The following ISM1 variants were observed in gnomAD, a reference collection of about 807,000 sequenced individuals.
The protein encoded by ISM1 is isthmin-1.
Under a neutral mutation model 46.3 loss-of-function variants are expected in ISM1, and 25 were observed. The observed-to-expected ratio is 0.54, with a 90% CI of 0.39 to 0.75. The LOEUF (loss-of-function observed/expected upper bound fraction) is 0.75. ISM1 is among the 30% of genes least tolerant of loss of function. The pLI, the probability that ISM1 is intolerant of heterozygous loss-of-function variation, is 0.00. For missense variants in ISM1, 536 were observed against 625.4 expected (o/e 0.86, Z 1.52); for synonymous variants, 255 against 256.7 (o/e 0.99, Z 0.06).
chr20:13,222,879 C>T (rs1300014414), intron 1 of ISM1, among the ~76,000 whole-genome samples: 1 of 152,122 alleles, frequency 6.6e-6, no homozygotes, highest in Non-Finnish European at 1.5e-5. Flanking sequence ...AAAATCTGCT[C>T]AAACCAGGCG....
At chr20:13,276,151 C>A (rs1169413236) in intron 2 of ISM1, among the ~76,000 whole-genome samples, 1 of 152,202 alleles carries the variant, frequency 6.6e-6, no homozygotes, top group Non-Finnish European at 1.5e-5. Flanking sequence ...TCCTTCAATG[C>A]TCTGTGCTCC....
intron 2 of ISM1, among the ~76,000 whole-genome samples, chr20:13,273,296 G>A (rs183192516): frequency 7.6e-6 from 1 of 131,130 alleles, no homozygotes; most frequent in Admixed American, 8.2e-5. Context: ...GTACAGTTGT[G>A]CAATCATGGC....
intron 4 of ISM1, among the ~76,000 whole-genome samples, chr20:13,289,175 C>T (rs540070001): frequency 3.9e-4 from 59 of 152,212 alleles, no homozygotes; most frequent in African/African-American, 1.4e-3. Flanking sequence ...TTGCAGTGGC[C>T]GTGACCTAAA....
rs150119834 is a variant in ISM1 at position 13,257,961 on chromosome 20, G to A, written c.139-12543G>A. On this transcript the variant is annotated intron_variant, in intron 1 of 5. Transcript: ENST00000262487. The stretch of plus-strand genomic sequence containing the variant: ...CAGTGAAAGGAGCAAGGATTTCATA[G>A]CCTACTTACTATCTAGGGGCCTCTC... Among the ~76,000 whole-genome samples, 66 of 152,236 alleles carry A rather than the reference G, an allele frequency of 4.3e-4. No individual in the cohort carries two copies. The East Asian group carries it at 0.011, about 26-fold the overall frequency.
intron 1 of ISM1, among the ~76,000 whole-genome samples, chr20:13,235,049 C>T (rs2039632457): frequency 6.6e-6 from 1 of 152,152 alleles, no homozygotes; most frequent in Admixed American, 6.6e-5. Context: ...TGTTATCCAG[C>T]TATTGCCTAA....
At position 13,299,408 on chromosome 20, in the gene ISM1, C is replaced by T. The variant is rs1440400429; in HGVS notation, c.1344C>T (p.Ser448=). 2 of 1,611,606 alleles carry T rather than the reference C, an allele frequency of 1.2e-6. No individual in the cohort carries two copies. Among genetic ancestry groups the T allele is most frequent in the Non-Finnish European group, 8.5e-7 (1 of 1,179,794 alleles). The change falls in exon 6 of 6, where the codon AGC becomes AGT. Residue 448 remains serine (S), a synonymous_variant. Transcript: ENST00000262487. The surrounding 1 kb of genome is among the most constrained non-coding windows in gnomAD (Gnocchi z 5.8). Reference sequence around the variant, plus strand: ...ACAACGGACAGAAGTGCACAGAGAGCCCCTCGGACGAGGACTACATCAAGC... The same window carrying T: ...ACAACGGACAGAAGTGCACAGAGAGTCCCTCGGACGAGGACTACATCAAGC... The part of the protein sequence containing the change: ...PPNNGQKCTE[S]PSDEDYIKQF...
At chr20:13,259,463 A>G (rs1417801329) in intron 1 of ISM1, among the ~76,000 whole-genome samples, 10 of 152,194 alleles carry the variant, frequency 6.6e-5, no homozygotes, top group Non-Finnish European at 1.3e-4. Flanking sequence ...TTTTCATAAT[A>G]TTAAAAATGT....
chr20:13,241,604 C>G (rs992822859), intron 1 of ISM1, among the ~76,000 whole-genome samples: 4 of 152,130 alleles, frequency 2.6e-5, no homozygotes, highest in African/African-American at 7.2e-5. Flanking sequence ...GAGTTACCAT[C>G]TCATGACTCC....
At position 13,224,709 on chromosome 20, in the gene ISM1, C is replaced by A. The variant is rs555084458; in HGVS notation, c.138+2795C>A. Among the ~76,000 whole-genome samples, 35 of 152,170 alleles carry A rather than the reference C, an allele frequency of 2.3e-4. No individual in the cohort carries two copies. In the South Asian group the frequency reaches 3.7e-3, roughly 16 times the overall value. On this transcript the variant is annotated intron_variant, in intron 1 of 5. Coordinates refer to ENST00000262487, the MANE Select transcript of ISM1 (RefSeq NM_080826.2). ...GTATTCACTTAAAAAGGGACACATT[C>A]TTATTTAAGGATATATCAAGGACGC...
the ISM1 span, among the ~76,000 whole-genome samples, chr20:13,314,064 A>G: frequency 6.6e-6 from 1 of 152,224 alleles, no homozygotes; most frequent in Non-Finnish European, 1.5e-5. Context: ...ACATCTCAAT[A>G]GAAACCACCA....
intron 1 of ISM1, among the ~76,000 whole-genome samples, chr20:13,266,466 A>G (rs188841313): frequency 1.3e-5 from 2 of 152,298 alleles, no homozygotes; most frequent in East Asian, 3.9e-4. Context: ...TCTCAGTGGT[A>G]GTCACAGCTC....
At chr20:13,296,749 G>T (rs573899385) in intron 5 of ISM1, among the ~76,000 whole-genome samples, 9 of 152,302 alleles carry the variant, frequency 5.9e-5, no homozygotes, top group South Asian at 2.1e-4. Flanking sequence ...GCCAGGCGTG[G>T]TGGCTTACAC....
chr20:13,286,913 G>A (rs751661446), intron 3 of ISM1, among the ~76,000 whole-genome samples: 5 of 152,244 alleles, frequency 3.3e-5, no homozygotes, highest in African/African-American at 4.8e-5. Context: ...CTTGGCAGCA[G>A]CAGAGGGCCC....
At chr20:13,306,346 C>A in the ISM1 span, among the ~76,000 whole-genome samples, 1 of 152,030 alleles carries the variant, frequency 6.6e-6, no homozygotes. Context: ...AGAGAACAGT[C>A]TAAATGAAGT....
chr20:13,284,057 C>T (rs2123294508), intron 3 of ISM1, among the ~76,000 whole-genome samples: 1 of 152,336 alleles, frequency 6.6e-6, no homozygotes, highest in African/African-American at 2.4e-5. Context: ...ACCTTAACCT[C>T]TCTGAGCCTC....
intron 1 of ISM1, among the ~76,000 whole-genome samples, chr20:13,261,011 T>G (rs1014133340): frequency 2.0e-5 from 3 of 152,306 alleles, no homozygotes; most frequent in Admixed American, 1.3e-4. Context: ...AGCTTGGCCT[T>G]CTTCACCGAG....
At position 13,270,718 on chromosome 20, in the gene ISM1, T is replaced by G. The variant is rs372141319; in HGVS notation, c.353T>G (p.Ile118Ser). 1.9e-6 allele frequency: 3 copies of G among 1,613,766 alleles called. No homozygotes were observed. In the African/African-American group the frequency reaches 4.0e-5, roughly 22 times the overall value. The part of the protein sequence containing the change: ...PNFPDLSKAD[I>S]NGQNPNIQVT... ...TTTCCAGATCTTTCCAAAGCTGATA[T>G]CAATGGGCAGAATCCAAATATCCAG... The change falls in exon 2 of 6, where the codon ATC becomes AGC. Residue 118 changes from isoleucine (I) to serine (S), a missense_variant. By Grantham distance (142) the Ile-to-Ser change is moderately radical. Coordinates refer to ENST00000262487, the MANE Select transcript of ISM1 (RefSeq NM_080826.2).
At chr20:13,316,024 A>G in the ISM1 span, among the ~76,000 whole-genome samples, 1 of 152,018 alleles carries the variant, frequency 6.6e-6, no homozygotes, top group Non-Finnish European at 1.5e-5. Context: ...CTGAAAAGGT[A>G]AATAAATTCA....
In ISM1 at chr20:13,231,232, C is replaced by T. The variant is rs1336004783; in HGVS notation, c.138+9318C>T. ...ACAGAGCAGAGTTTCCATGAGGCCC[C>T]TGCTTGTTGTTGTCATTAACAGCGA... On this transcript the variant is annotated intron_variant, in intron 1 of 5. Coordinates refer to ENST00000262487, the MANE Select transcript of ISM1 (RefSeq NM_080826.2). Among the ~76,000 whole-genome samples the T allele has an allele frequency of 3.9e-5, 6 of 152,168 alleles. No individual in the cohort carries two copies. In the East Asian group the frequency reaches 9.6e-4, roughly 24 times the overall value.
Sources: gnomAD v4.1 joint callset for allele counts (sites outside exome capture counted in the v4.1 genomes callset) on GRCh38, gnomAD v4.1.1 for gene constraint, Gnocchi (gnomAD v3.1) non-coding constraint, MANE v1.5 for transcripts, NCBI Gene and HGNC (gene_info 2026-07-23, HGNC 2026-07-21) for gene names.